The following CDH18 variants were observed in gnomAD, a reference collection of about 807,000 sequenced individuals.
CDH18 encodes the protein cadherin-18.
Under a neutral mutation model 67.9 loss-of-function variants are expected in CDH18, and 31 were observed. The observed-to-expected ratio is 0.46, with a 90% CI of 0.34 to 0.62. The LOEUF is 0.62. Ranked by LOEUF, CDH18 falls within the 20% of genes least tolerant of loss-of-function variation. The pLI is 0.01. For missense variants in CDH18, 890 were observed against 975.5 expected, an observed-to-expected ratio of 0.91 and a Z score of 1.17; for synonymous variants, 362 against 347.2, an observed-to-expected ratio of 1.04 and a Z score of -0.48.
At chr5:20,530,474 C>T (rs1338203959) in intron 1 of CDH18, among the ~76,000 whole-genome samples, 8 of 152,018 alleles carry the variant, frequency 5.3e-5, no homozygotes, top group Non-Finnish European at 4.4e-5. Context: ...ATCACACTAC[C>T]TGACTTCAAA....
chr5:20,016,698 G>C (rs927001323), intron 2 of CDH18, among the ~76,000 whole-genome samples: 1 of 152,104 alleles, frequency 6.6e-6, no homozygotes, highest in African/African-American at 2.4e-5. Flanking sequence ...GAACAATGCA[G>C]TATCTAACCT....
At chr5:19,796,200 C>G (rs2149830802) in intron 3 of CDH18, among the ~76,000 whole-genome samples, 1 of 152,136 alleles carries the variant, frequency 6.6e-6, no homozygotes, top group South Asian at 2.1e-4. Flanking sequence ...TGGTGAAAAT[C>G]AAAACCTACA....
At chr5:19,945,954 A>G (rs1317116692) in intron 2 of CDH18, among the ~76,000 whole-genome samples, 1 of 152,178 alleles carries the variant, frequency 6.6e-6, no homozygotes, top group African/African-American at 2.4e-5. Flanking sequence ...AAAATTACTC[A>G]AAGAAATAAT....
chr5:20,094,045 C>T (rs1745671132), intron 2 of CDH18, among the ~76,000 whole-genome samples: 1 of 151,954 alleles, frequency 6.6e-6, no homozygotes, highest in African/African-American at 2.4e-5. Context: ...CAGGACCTTC[C>T]AATTAGACAA....
chr5:20,447,657 C>A (rs574497893), intron 1 of CDH18, among the ~76,000 whole-genome samples: 1 of 152,280 alleles, frequency 6.6e-6, no homozygotes, highest in African/African-American at 2.4e-5. Flanking sequence ...CCCGCAATAT[C>A]TTTTACACTC....
At chr5:20,183,125 T>C (rs1475206965) in intron 2 of CDH18, among the ~76,000 whole-genome samples, 1 of 141,824 alleles carries the variant, frequency 7.1e-6, no homozygotes, top group Non-Finnish European at 1.5e-5. Flanking sequence ...CCATTGTGGA[T>C]ATTAAAACAG....
At chr5:20,529,059 G>T (rs1268751500) in intron 1 of CDH18, among the ~76,000 whole-genome samples, 1 of 151,728 alleles carries the variant, frequency 6.6e-6, no homozygotes, top group African/African-American at 2.4e-5. Flanking sequence ...ATGATAAGGG[G>T]GATAACACCA....
intron 2 of CDH18, among the ~76,000 whole-genome samples, chr5:19,888,796 C>A (rs1561510965): frequency 6.6e-6 from 1 of 152,040 alleles, no homozygotes; most frequent in Non-Finnish European, 1.5e-5. Context: ...AAATAGAAGT[C>A]CTGGTAACAG....
chr5:20,468,719 T>C (rs1395512308), intron 1 of CDH18, among the ~76,000 whole-genome samples: 1 of 152,196 alleles, frequency 6.6e-6, no homozygotes, highest in Non-Finnish European at 1.5e-5. Context: ...ACTAAATATG[T>C]CAAAGTTAGA....
At chr5:20,281,494 G>C (rs1170764956) in intron 1 of CDH18, among the ~76,000 whole-genome samples, 3 of 151,992 alleles carry the variant, frequency 2.0e-5, no homozygotes, top group African/African-American at 7.3e-5. Context: ...TTTTTGTCAG[G>C]CTTGTCAAAG....
rs182196736 is a variant in CDH18 at position 19,544,106 on chromosome 5, T to C, written c.1254-101A>G. ...CTAAATACATTAAAATATTCAAATA[T>C]ACTTTTAAATTCTATATTTGATTAC... On this transcript the variant is annotated intron_variant, in intron 8 of 12. Transcript: ENST00000382275. The C allele has an allele frequency of 2.4e-5, 11 of 457,586 alleles. No homozygotes were observed. The Admixed American group carries it at 2.8e-4, about 11-fold the overall frequency. The allele number at this position is 457,586 out of a possible 1,614,324, so 28.3% of individuals were successfully genotyped here. A position where few individuals can be genotyped will look rare whatever the true frequency, so the allele number is the denominator to read the frequency against.
chr5:20,361,316 A>T (rs1742070791), intron 1 of CDH18, among the ~76,000 whole-genome samples: 1 of 152,052 alleles, frequency 6.6e-6, no homozygotes, highest in Non-Finnish European at 1.5e-5. Flanking sequence ...CTGTTACATT[A>T]ATTAGCTATT....
At chr5:20,073,852 A>G (rs923565788) in intron 2 of CDH18, among the ~76,000 whole-genome samples, 3 of 152,112 alleles carry the variant, frequency 2.0e-5, no homozygotes, top group African/African-American at 7.2e-5. Context: ...GATTATTGAT[A>G]TGCCTATGGA....
At chr5:19,773,063 A>G (rs1773903513) in intron 3 of CDH18, among the ~76,000 whole-genome samples, 1 of 152,214 alleles carries the variant, frequency 6.6e-6, no homozygotes, top group Non-Finnish European at 1.5e-5. Context: ...ATATAATTTT[A>G]TATAGATATT....
chr5:20,254,614 C>T (rs1006502308), intron 2 of CDH18, among the ~76,000 whole-genome samples: 4 of 152,112 alleles, frequency 2.6e-5, no homozygotes, highest in Admixed American at 1.3e-4. Flanking sequence ...ACCACACTCG[C>T]GACAGATCCT....
intron 7 of CDH18, among the ~76,000 whole-genome samples, chr5:19,585,831 C>A (rs6877651): frequency 2.0e-5 from 3 of 151,996 alleles, no homozygotes; most frequent in South Asian, 2.1e-4. Context: ...TCTCTCTCCA[C>A]CTCATCACAA....
rs1202136037 is a variant in CDH18 at position 19,917,567 on chromosome 5, T to A, written c.-257+63493A>T. ...AATGGTCCTGAGATGTGGAAAGCAT[T>A]GTTTCCAGTCTCTTAGGTGCAACTT... On this transcript the variant is annotated intron_variant, in intron 2 of 12. Coordinates refer to ENST00000382275, the MANE Select transcript of CDH18 (RefSeq NM_004934.5). Among the ~76,000 whole-genome samples the A allele has an allele frequency of 2.0e-5, 3 of 152,120 alleles. No individual in the cohort carries two copies. The East Asian group carries it at 5.8e-4, about 29-fold the overall frequency.
chr5:19,947,759 T>A (rs1190969359), intron 2 of CDH18, among the ~76,000 whole-genome samples: 1 of 110,320 alleles, frequency 9.1e-6, no homozygotes, highest in Non-Finnish European at 1.9e-5. Flanking sequence ...TGAGAGTCCA[T>A]CTCAAAAAAA....
chr5:20,021,314 G>A lies in CDH18; in HGVS notation c.-517-29300C>T, dbSNP rs2150433734. Among the ~76,000 whole-genome samples, 4 of 152,250 alleles carry A rather than the reference G, an allele frequency of 2.6e-5. No individual in the cohort carries two copies. The South Asian group carries it at 8.3e-4, about 32-fold the overall frequency. On this transcript the variant is annotated intron_variant, in intron 2 of 14. Coordinates refer to the CDH18 transcript ENST00000507958. ...GACTTTTAAGTTAATGCTGAAATGA[G>A]TTAAGACTTGGGGGACTGTTGAGAG... is the stretch of plus-strand genomic sequence containing the variant.
Sources: gnomAD v4.1 joint callset for allele counts (sites outside exome capture counted in the v4.1 genomes callset) on GRCh38, gnomAD v4.1.1 for gene constraint, MANE v1.5 for transcripts, NCBI Gene and HGNC (gene_info 2026-07-23, HGNC 2026-07-21) for gene names.